The following ATE1 variants were observed in gnomAD, a reference collection of about 807,000 sequenced individuals.
ATE1 encodes the protein arginyl-tRNA--protein transferase 1.
In ATE1, 36 loss-of-function variants were observed where a neutral mutation model predicts 70.5. The observed-to-expected ratio is 0.51, with a 90% confidence interval of 0.39 to 0.67. ATE1 has a LOEUF of 0.67. Among genes scored for constraint, ATE1 ranks in the 30% least tolerant of loss-of-function variants. The probability of loss-of-function intolerance (pLI) is 0.00; values close to 1 mark genes in which losing one functional copy is unlikely to be tolerated. For missense variants in ATE1, 593 were observed against 629.5 expected, an observed-to-expected ratio of 0.94 and a Z score of 0.62; for synonymous variants, 232 against 219.3, an observed-to-expected ratio of 1.06 and a Z score of -0.51.
At chr10:121,906,460 T>C (rs993001196) in intron 5 of ATE1, among the ~76,000 whole-genome samples, 2 of 151,740 alleles carry the variant, frequency 1.3e-5, no homozygotes, top group African/African-American at 4.8e-5. Context: ...GCTTAGGAAG[T>C]CAAGGCTACA....
intron 8 of ATE1, among the ~76,000 whole-genome samples, chr10:121,863,335 C>T (rs939188290): frequency 6.7e-6 from 1 of 149,334 alleles, no homozygotes; most frequent in African/African-American, 2.5e-5. Context: ...CTCACTGCAA[C>T]CTCCGCCTCC....
chr10:121,785,985 TTGAAA>T (rs1428795312), intron 11 of ATE1, among the ~76,000 whole-genome samples: 2 of 152,222 alleles, frequency 1.3e-5, no homozygotes, highest in African/African-American at 4.8e-5. Context: ...AGTAGCCCCC[TTGAAA>T]TGAACACTAA....
chr10:121,906,392 A>G (rs1395405443), intron 5 of ATE1, among the ~76,000 whole-genome samples: 1 of 152,090 alleles, frequency 6.6e-6, no homozygotes, highest in Non-Finnish European at 1.5e-5. Flanking sequence ...AGCCAGGTGT[A>G]GTGACGTGTA....
At chr10:121,866,402 G>C (rs1949664860) in intron 8 of ATE1, among the ~76,000 whole-genome samples, 2 of 151,980 alleles carry the variant, frequency 1.3e-5, no homozygotes, top group Admixed American at 6.6e-5. Context: ...AATTAACCAA[G>C]GTAAATACCA....
intron 11 of ATE1, among the ~76,000 whole-genome samples, chr10:121,761,503 A>G (rs1017335653): frequency 3.9e-5 from 6 of 152,218 alleles, no homozygotes; most frequent in African/African-American, 1.4e-4. Flanking sequence ...TGCACTTAAT[A>G]GACTACAGCA....
At chr10:121,855,440 G>A (rs138141073) in intron 8 of ATE1, among the ~76,000 whole-genome samples, 8 of 152,312 alleles carry the variant, frequency 5.3e-5, no homozygotes, top group African/African-American at 1.9e-4. Context: ...GTATATTTGT[G>A]AGTTAATCAA....
chr10:121,884,682 C>G (rs984797699), intron 7 of ATE1, among the ~76,000 whole-genome samples: 1 of 152,166 alleles, frequency 6.6e-6, no homozygotes, highest in African/African-American at 2.4e-5. Flanking sequence ...CTAGTTTTGA[C>G]TCCACCCCTT....
At chr10:121,751,945 G>A (rs1590209133) in intron 11 of ATE1, among the ~76,000 whole-genome samples, 2 of 152,202 alleles carry the variant, frequency 1.3e-5, no homozygotes, top group East Asian at 3.9e-4. Context: ...TGTAATCCCA[G>A]CACTTTGGGA....
intron 2 of ATE1, among the ~76,000 whole-genome samples, chr10:121,923,167 T>C (rs371860795): frequency 2.6e-5 from 4 of 152,220 alleles, no homozygotes; most frequent in African/African-American, 7.2e-5. Context: ...AATCCTTCCA[T>C]GACTGCCTTC....
rs970083770 is a variant in ATE1, at chr10:121,835,459, T to C, written c.1257+1259A>G. Among the ~76,000 whole-genome samples, 4 of 126,712 alleles carry C rather than the reference T, an allele frequency of 3.2e-5. No homozygotes were observed. The Admixed American group carries it at 3.8e-4, about 12-fold the overall frequency. 83.1% of individuals were successfully genotyped at this position (126,712 alleles called of 152,430 possible). The stretch of plus-strand genomic sequence containing the variant: ...TTAATCACCAAGTCCTGTGAATTAT[T>C]CCTTTGTAAGAAAGAAAAAAGGCTG... On this transcript the variant is annotated intron_variant, in intron 10 of 11. Transcript: ENST00000224652.
intron 11 of ATE1, among the ~76,000 whole-genome samples, chr10:121,786,927 T>C (rs1946240066): frequency 6.6e-6 from 1 of 152,210 alleles, no homozygotes; most frequent in South Asian, 2.1e-4. Flanking sequence ...AACAGACTTT[T>C]ACTTAAAAAT....
intron 8 of ATE1, among the ~76,000 whole-genome samples, chr10:121,843,108 A>G (rs958209800): frequency 2.6e-5 from 4 of 152,194 alleles, no homozygotes; most frequent in African/African-American, 7.2e-5. Context: ...AAAAATTGAA[A>G]TAAGCAATTA....
At chr10:121,886,834 T>C (rs1950414882) in intron 7 of ATE1, among the ~76,000 whole-genome samples, 1 of 152,186 alleles carries the variant, frequency 6.6e-6, no homozygotes, top group South Asian at 2.1e-4. Context: ...AGTGAGAACT[T>C]ACTGTGTGTG....
intron 10 of ATE1, among the ~76,000 whole-genome samples, chr10:121,796,509 C>T (rs907550494): frequency 2.0e-5 from 3 of 152,018 alleles, no homozygotes; most frequent in Admixed American, 1.3e-4. Context: ...CAAAATGAAA[C>T]AAACTACCTA....
At position 121,745,128 on chromosome 10, in the gene ATE1, C is replaced by T. The variant is rs542298984; in HGVS notation, c.1379-1270G>A. 4.7e-4 allele frequency among the ~76,000 whole-genome samples: 72 copies of T among 152,270 alleles called. 1 individual carries two copies. The South Asian group carries it at 0.015, about 32-fold the overall frequency. ...GATATTTACATTACAAATAAACTAT[C>T]TTGTTTAACCCAATATTACCTTAGG... On this transcript the variant is annotated intron_variant, in intron 11 of 11. Coordinates refer to ENST00000224652, the MANE Select transcript of ATE1 (RefSeq NM_001001976.3).
intron 6 of ATE1, among the ~76,000 whole-genome samples, chr10:121,901,715 C>G (rs1338264744): frequency 1.3e-5 from 2 of 152,162 alleles, no homozygotes; most frequent in East Asian, 3.9e-4. Flanking sequence ...CTCGGCCTAC[C>G]AAAGTGCTAG....
intron 8 of ATE1, 132 bp downstream of exon 8, chr10:121,869,874 A>C: frequency 1.3e-6 from 1 of 745,318 alleles, no homozygotes; most frequent in Non-Finnish European, 2.1e-6. Context: ...TCACTCCATT[A>C]CTGTTATTGA....
At chr10:121,911,415 T>C (rs1951419916) in intron 4 of ATE1, among the ~76,000 whole-genome samples, 1 of 140,166 alleles carries the variant, frequency 7.1e-6, no homozygotes, top group African/African-American at 2.7e-5. Context: ...CTGGGCAACA[T>C]AGTGAGACAC....
intron 11 of ATE1, among the ~76,000 whole-genome samples, chr10:121,787,825 T>TA (rs1478381589): frequency 6.6e-6 from 1 of 152,244 alleles, no homozygotes; most frequent in Admixed American, 6.5e-5. Context: ...CATGAATGTT[T>TA]ACTTGAATGT....
Sources: allele counts gnomAD v4.1 joint callset (sites outside exome capture counted in the v4.1 genomes callset), GRCh38; gene constraint gnomAD v4.1.1; transcripts MANE v1.5; gene names NCBI Gene and HGNC (gene_info 2026-07-23, HGNC 2026-07-21).